DDAH1: variants seen among roughly 807,000 people sequenced by gnomAD.
The protein encoded by DDAH1 is N(G),N(G)-dimethylarginine dimethylaminohydrolase 1.
Under a neutral mutation model 28.8 loss-of-function variants are expected in DDAH1, and 19 were observed. The ratio of observed to expected loss-of-function variants is 0.66; its 90% CI spans 0.46 to 0.97. DDAH1 has a LOEUF of 0.97. Ranked by LOEUF, DDAH1 falls within the 50% of genes least tolerant of loss-of-function variation. The probability of loss-of-function intolerance (pLI) is 0.00; values close to 1 mark genes in which losing one functional copy is unlikely to be tolerated. For missense variants in DDAH1, 326 were observed against 375.9 expected (o/e 0.87, Z 1.10); for synonymous variants, 153 against 154.4 (o/e 0.99, Z 0.07).
intron 2 of DDAH1, among the ~76,000 whole-genome samples, chr1:85,476,009 A>G (rs1655790598): frequency 6.6e-6 from 1 of 151,322 alleles, no homozygotes; most frequent in Non-Finnish European, 1.5e-5. Context: ...ACGCCACCAC[A>G]CCCGGGTAAT....
At chr1:85,340,380 T>C (rs1435490027) in intron 4 of DDAH1, among the ~76,000 whole-genome samples, 2 of 152,174 alleles carry the variant, frequency 1.3e-5, no homozygotes, top group African/African-American at 2.4e-5. Flanking sequence ...TTTAAACTCT[T>C]TTCCAAAAAT....
At chr1:85,548,806 C>T (rs569548798) in intron 1 of DDAH1, among the ~76,000 whole-genome samples, 2 of 152,296 alleles carry the variant, frequency 1.3e-5, no homozygotes, top group Non-Finnish European at 2.9e-5. Flanking sequence ...AAGTGAATAT[C>T]CTCTTTTGGA....
intron 4 of DDAH1, among the ~76,000 whole-genome samples, chr1:85,338,813 G>A (rs1648288031): frequency 1.3e-5 from 2 of 151,960 alleles, no homozygotes; most frequent in East Asian, 3.8e-4. Context: ...GGCAGAGATG[G>A]GGGATCATTT....
chr1:85,483,472 GA>G (rs1189672083), intron 2 of DDAH1, among the ~76,000 whole-genome samples: 1 of 152,118 alleles, frequency 6.6e-6, no homozygotes, highest in Non-Finnish European at 1.5e-5. Context: ...GTATTTTAAG[GA>G]AAGGTACAGT....
chr1:85,572,644 T>C (rs1291706261), intron 1 of DDAH1, among the ~76,000 whole-genome samples: 3 of 152,226 alleles, frequency 2.0e-5, no homozygotes, highest in Non-Finnish European at 4.4e-5. Flanking sequence ...ACTATTCCTA[T>C]GTCTCCCAAG....
At chr1:85,480,361 A>C (rs867528605) in intron 2 of DDAH1, among the ~76,000 whole-genome samples, 7 of 152,338 alleles carry the variant, frequency 4.6e-5, no homozygotes, top group Middle Eastern at 3.4e-3. Flanking sequence ...ATAACTTTTC[A>C]ATTCAATACT....
In DDAH1 at chr1:85,464,519, T is replaced by C. The variant is rs2100693976; in HGVS notation, c.303+224A>G. 3 of 1,480,852 alleles carry C rather than the reference T, an allele frequency of 2.0e-6. No individual in the cohort carries two copies. The highest frequency in any genetic ancestry group is 5.5e-5 in the East Asian group (2 of 36,552). The allele number at this position is 1,480,852 out of a possible 1,614,324, so 91.7% of individuals were successfully genotyped here. Reference sequence around the variant, plus strand: ...ACCTGCCCGAGACCGTACAACCACATTGAATCGGATCCTCCAGAAGGCTGC... The same window carrying C: ...ACCTGCCCGAGACCGTACAACCACACTGAATCGGATCCTCCAGAAGGCTGC... On this transcript the variant is annotated intron_variant, in intron 1 of 5. Transcript: ENST00000284031. This position sits in a 1 kb window ranked among gnomAD's most constrained non-coding sequence, Gnocchi z 4.4.
At chr1:85,369,756 T>C (rs72722691) in intron 1 of DDAH1, among the ~76,000 whole-genome samples, 19,014 of 152,166 alleles carry the variant, frequency 0.12, 1,534 homozygotes, top group South Asian at 0.29. Context: ...TTAAAAATAT[T>C]AGTGGTAAGT....
intron 1 of DDAH1, among the ~76,000 whole-genome samples, chr1:85,551,873 A>G (rs1658802954): frequency 6.6e-6 from 1 of 152,152 alleles, no homozygotes; most frequent in Non-Finnish European, 1.5e-5. Flanking sequence ...GGGAATGGCT[A>G]TGGGTTGGCA....
In DDAH1 at chr1:85,369,553, T is replaced by C. The variant is rs577446515; in HGVS notation, c.304-10706A>G. Reference sequence around the variant, plus strand: ...GTGAGAAAACTACCGTTGGCCTATTTGTCCCAATAATCACTAACCGCCACT... The same window carrying C: ...GTGAGAAAACTACCGTTGGCCTATTCGTCCCAATAATCACTAACCGCCACT... On this transcript the variant is annotated intron_variant, in intron 1 of 5. Transcript: ENST00000284031. Among the ~76,000 whole-genome samples the C allele has an allele frequency of 7.2e-5, 11 of 152,280 alleles. No individual in the cohort carries two copies. The South Asian group carries it at 2.1e-3, about 29-fold the overall frequency.
intron 1 of DDAH1, among the ~76,000 whole-genome samples, chr1:85,461,763 A>T (rs1655133882): frequency 6.6e-6 from 1 of 152,204 alleles, no homozygotes; most frequent in African/African-American, 2.4e-5. Context: ...GTTACATAAT[A>T]GTGGGAGATA....
intron 1 of DDAH1, among the ~76,000 whole-genome samples, chr1:85,551,298 G>A (rs1450650696): frequency 5.3e-5 from 8 of 152,166 alleles, no homozygotes; most frequent in Non-Finnish European, 8.8e-5. Context: ...TCTGGGAAAC[G>A]GATTGTTAGA....
intron 4 of DDAH1, among the ~76,000 whole-genome samples, chr1:85,340,060 A>AT (rs1261837476): frequency 6.6e-6 from 1 of 152,104 alleles, no homozygotes; most frequent in Non-Finnish European, 1.5e-5. Context: ...TTTTAAGATG[A>AT]TTTTTTTGGT....
At chr1:85,353,536 G>A (rs1649340490) in intron 2 of DDAH1, among the ~76,000 whole-genome samples, 2 of 152,034 alleles carry the variant, frequency 1.3e-5, no homozygotes, top group South Asian at 4.1e-4. Context: ...TTGGGTAATG[G>A]CATGATTGTG....
chr1:85,530,997 A>C (rs1658074260), intron 1 of DDAH1, among the ~76,000 whole-genome samples: 1 of 124,966 alleles, frequency 8.0e-6, no homozygotes, highest in Non-Finnish European at 1.6e-5. Flanking sequence ...TCTCAAAAAA[A>C]AAAAAAAAAA....
At chr1:85,421,565 A>T (rs1467529914) in intron 1 of DDAH1, among the ~76,000 whole-genome samples, 1 of 152,156 alleles carries the variant, frequency 6.6e-6, no homozygotes, top group Non-Finnish European at 1.5e-5. Flanking sequence ...CATATAGAAT[A>T]GTTTTGCTGC....
chr1:85,563,431 G>A (rs1659195469), intron 1 of DDAH1, among the ~76,000 whole-genome samples: 2 of 152,146 alleles, frequency 1.3e-5, no homozygotes, highest in Admixed American at 1.3e-4. Flanking sequence ...GGCAGCAAGT[G>A]GGATATTCAG....
intron 1 of DDAH1, among the ~76,000 whole-genome samples, chr1:85,421,445 C>G (rs1029140997): frequency 3.3e-5 from 5 of 152,128 alleles, no homozygotes; most frequent in Non-Finnish European, 5.9e-5. Context: ...CATTCTGGGA[C>G]TCCCAACCTC....
At chr1:85,500,112 T>TC (rs1656747451) in intron 1 of DDAH1, among the ~76,000 whole-genome samples, 1 of 25,116 alleles carries the variant, frequency 4.0e-5, no homozygotes, top group Admixed American at 6.8e-4. Context: ...CTCTTTCTTT[T>TC]CTTTTCTTTC....
Sources: gnomAD v4.1 joint callset for allele counts (sites outside exome capture counted in the v4.1 genomes callset) on GRCh38, gnomAD v4.1.1 for gene constraint, Gnocchi (gnomAD v3.1) non-coding constraint, MANE v1.5 for transcripts, NCBI Gene and HGNC (gene_info 2026-07-23, HGNC 2026-07-21) for gene names.